ZNF248: variants seen among roughly 807,000 people sequenced by gnomAD.
The protein encoded by ZNF248 is KRAB protein domain.
In ZNF248, 20 loss-of-function variants were observed where a neutral mutation model predicts 44.3. The ratio of observed to expected loss-of-function variants is 0.45; its 90% CI spans 0.32 to 0.66. ZNF248 has a LOEUF of 0.66. Among genes scored for constraint, ZNF248 ranks in the 30% least tolerant of loss-of-function variants. The pLI is 0.04. For synonymous variants in ZNF248, 224 were observed against 229.0 expected (o/e 0.98, Z 0.20); for missense variants, 654 against 677.0 (o/e 0.97, Z 0.38).
At chr10:37,764,155 C>T in the ZNF248 span, among the ~76,000 whole-genome samples, 1 of 152,130 alleles carries the variant, frequency 6.6e-6, no homozygotes, top group Non-Finnish European at 1.5e-5. Flanking sequence ...TTTTTCTCAG[C>T]AAGGAACAGC....
the ZNF248 span, among the ~76,000 whole-genome samples, chr10:37,763,475 C>A: frequency 6.6e-6 from 1 of 152,224 alleles, no homozygotes; most frequent in Non-Finnish European, 1.5e-5. Flanking sequence ...TAGCCTCCAG[C>A]AGAATGCTGA....
At chr10:37,853,325 G>A (rs1208667) in intron 3 of ZNF248, among the ~76,000 whole-genome samples, 9,122 of 152,278 alleles carry the variant, frequency 0.06, 354 homozygotes, top group Middle Eastern at 0.095. Flanking sequence ...TTGCCTTCAA[G>A]GGGGAGGATG....
chr10:37,817,715 A>T (rs2052735738), intron 6 of ZNF248, among the ~76,000 whole-genome samples: 1 of 152,128 alleles, frequency 6.6e-6, no homozygotes, highest in Non-Finnish European at 1.5e-5. Flanking sequence ...TAAAAATTGA[A>T]ATTATTTAGG....
Position 37,820,354 on chromosome 10 carries a change from G to A in ZNF248, c.330+12671C>T, listed in dbSNP as rs11011377. 39 of 1,414,144 alleles carry A rather than the reference G, an allele frequency of 2.8e-5. No individual in the cohort carries two copies. In the South Asian group the frequency reaches 4.5e-4, roughly 16 times the overall value. 87.6% of individuals were successfully genotyped at this position (1,414,144 alleles called of 1,614,324 possible). A position where few individuals can be genotyped will look rare whatever the true frequency, so the allele number is the denominator to read the frequency against. ...CACAGGCCAGCTCCCCTTTGTGCCAGCTGCTCTGGGTCAAGCCGAGGTTTT... is the reference window on the plus strand; with the variant it reads ...CACAGGCCAGCTCCCCTTTGTGCCAACTGCTCTGGGTCAAGCCGAGGTTTT... On this transcript the variant is annotated intron_variant, in intron 6 of 6. Transcript: ENST00000615949.
intron 6 of ZNF248, among the ~76,000 whole-genome samples, chr10:37,807,830 A>G (rs571290893): frequency 6.6e-6 from 1 of 152,224 alleles, no homozygotes; most frequent in Non-Finnish European, 1.5e-5. Flanking sequence ...ATAAAATCAT[A>G]TAAGAACAAA....
intron 3 of ZNF248, among the ~76,000 whole-genome samples, chr10:37,843,996 A>C (rs2058830875): frequency 1.3e-5 from 2 of 152,212 alleles, no homozygotes; most frequent in African/African-American, 4.8e-5. Context: ...ATGGGGAGAA[A>C]GATTACTCAA....
chr10:37,793,613 A>G (rs998164753), intron 6 of ZNF248, among the ~76,000 whole-genome samples: 3 of 152,188 alleles, frequency 2.0e-5, no homozygotes, highest in African/African-American at 7.2e-5. Context: ...AAGGGCAAAT[A>G]TATTCATTCT....
At chr10:37,837,540 A>G in intron 5 of ZNF248, 77 bp downstream of exon 5, 1 of 1,224,042 alleles carries the variant, frequency 8.2e-7, no homozygotes, top group Non-Finnish European at 1.2e-6. Flanking sequence ...AAAATATTCC[A>G]AAGGTGACAA....
intron 3 of ZNF248, among the ~76,000 whole-genome samples, 167 bp from the exon 4 acceptor site, chr10:37,838,278 T>C (rs1481029648): frequency 1.3e-5 from 2 of 152,226 alleles, no homozygotes; most frequent in Non-Finnish European, 2.9e-5. Flanking sequence ...GAGTTTCTAC[T>C]AAGGGTCTGG....
chr10:37,777,851 C>T (rs1467915326), intron 6 of ZNF248, among the ~76,000 whole-genome samples: 1 of 152,092 alleles, frequency 6.6e-6, no homozygotes. Context: ...CATTTCCCTA[C>T]AAAGGACATG....
At chr10:37,847,364 T>C (rs1214346104) in intron 3 of ZNF248, among the ~76,000 whole-genome samples, 1 of 152,186 alleles carries the variant, frequency 6.6e-6, no homozygotes, top group Non-Finnish European at 1.5e-5. Flanking sequence ...ATCCTAGTTA[T>C]TTCTTATTTT....
chr10:37,810,696 C>T (rs1335415328), intron 6 of ZNF248, among the ~76,000 whole-genome samples: 3 of 152,058 alleles, frequency 2.0e-5, no homozygotes, highest in African/African-American at 7.2e-5. Flanking sequence ...TTATCATTTA[C>T]TATCTAGAAA....
rs2055766755 is a variant in ZNF248 at position 37,831,919 on chromosome 10, A to C, written c.1436T>G (p.Leu479Arg). The C allele has an allele frequency of 2.5e-6, 4 of 1,613,846 alleles. No homozygotes were observed. Among genetic ancestry groups the C allele is most frequent in the Admixed American group, 3.3e-5 (2 of 59,976 alleles). ...TGTGTGTGTTCTCTGATGCACAGTG[A>C]GGGCTGATCTGTGGCAGAAGGATTT... ...CGKSFCHRSA[L>R]TVHQRTHTGE... The change falls in exon 6 of 6, where the codon CTC becomes CGC. Residue 479 changes from leucine to arginine, a missense_variant. Coordinates refer to ENST00000395867, the MANE Select transcript of ZNF248 (RefSeq NM_021045.3).
intron 6 of ZNF248, among the ~76,000 whole-genome samples, chr10:37,809,385 C>T (rs190415018): frequency 1.3e-5 from 2 of 152,276 alleles, no homozygotes; most frequent in African/African-American, 4.8e-5. Flanking sequence ...TCAAGTGATT[C>T]TCCCACTGCA....
chr10:37,848,944 A>G (rs1403041809), intron 3 of ZNF248, among the ~76,000 whole-genome samples: 1 of 152,256 alleles, frequency 6.6e-6, no homozygotes, highest in Non-Finnish European at 1.5e-5. Flanking sequence ...TTTACTAGAT[A>G]TTTGAGGAAA....
chr10:37,807,991 T>C (rs998886989), intron 6 of ZNF248, among the ~76,000 whole-genome samples: 6 of 152,186 alleles, frequency 3.9e-5, no homozygotes, highest in Non-Finnish European at 8.8e-5. Context: ...ATGGTTTTTA[T>C]TACATTGACG....
the ZNF248 span, among the ~76,000 whole-genome samples, chr10:37,770,654 A>G: frequency 1.3e-5 from 2 of 152,366 alleles, no homozygotes; most frequent in African/African-American, 4.8e-5. Flanking sequence ...TGTTAGACCT[A>G]AAACCATAAA....
At chr10:37,820,099 T>C in intron 6 of ZNF248, 1 of 893,772 alleles carries the variant, frequency 1.1e-6, no homozygotes, top group Non-Finnish European at 1.9e-6. Context: ...TTGCTGTTCA[T>C]CAATCTGCTG....
At chr10:37,764,985 G>A in the ZNF248 span, among the ~76,000 whole-genome samples, 1 of 150,770 alleles carries the variant, frequency 6.6e-6, no homozygotes, top group Non-Finnish European at 1.5e-5. Context: ...TTTTTTGAGA[G>A]AATCCTGCTC....
Sources: allele counts gnomAD v4.1 joint callset (sites outside exome capture counted in the v4.1 genomes callset), GRCh38; gene constraint gnomAD v4.1.1; transcripts MANE v1.5; gene names NCBI Gene and HGNC (gene_info 2026-07-23, HGNC 2026-07-21).